The following USP50 variants were observed in gnomAD, a reference collection of about 807,000 sequenced individuals.
USP50 encodes the protein ubiquitin carboxyl-terminal hydrolase 50.
Under a neutral mutation model 39.2 loss-of-function variants are expected in USP50, and 37 were observed. That is an observed-to-expected ratio of 0.94 (90% CI 0.73 to 1.24). The LOEUF is 1.24. Among genes scored for constraint, USP50 ranks in the 50% most tolerant of loss-of-function variants. The pLI, the probability that USP50 is intolerant of heterozygous loss-of-function variation, is 0.00. For missense variants in USP50, 374 were observed against 398.2 expected (o/e 0.94, Z 0.52); for synonymous variants, 139 against 144.5 (o/e 0.96, Z 0.27).
chr15:50,532,976 C>T (rs1405248272), intron 5 of USP50, among the ~76,000 whole-genome samples: 1 of 151,976 alleles, frequency 6.6e-6, no homozygotes, highest in African/African-American at 2.4e-5. Flanking sequence ...CTTGAGGAAC[C>T]TCAGTAGAAA....
At chr15:50,509,543 G>C (rs1021011482) in intron 6 of USP50, 1 of 152,258 alleles carries the variant, frequency 6.6e-6, no homozygotes, top group Non-Finnish European at 1.5e-5. Flanking sequence ...AGCTACTCAG[G>C]AGGCTGAGAC....
chr15:50,515,236 TTTGTTG>T (rs1175969992), intron 6 of USP50, among the ~76,000 whole-genome samples: 4 of 151,554 alleles, frequency 2.6e-5, no homozygotes, highest in South Asian at 2.1e-4. Flanking sequence ...AGGCTTGTGT[TTTGTTG>T]TTGTTGTTGT....
At position 50,525,558 on chromosome 15, in the gene USP50, A is replaced by ATATATGTATATATG. The variant is rs1194167928; in HGVS notation, c.936+4225_936+4238dup. Among the ~76,000 whole-genome samples the ATATATGTATATATG allele has an allele frequency of 2.9e-4, 31 of 107,274 alleles. 1 individual carries two copies. Among genetic ancestry groups the ATATATGTATATATG allele is most frequent in the South Asian group, 8.5e-4 (3 of 3,538 alleles). 70.4% of individuals were successfully genotyped at this position (107,274 alleles called of 152,430 possible). A position where few individuals can be genotyped will look rare whatever the true frequency, so the allele number is the denominator to read the frequency against. Reference sequence around the variant, plus strand: ...TATATGTATATATGTATATATGTGTATATATGTATATATGTATATGTATAT... The same window carrying ATATATGTATATATG: ...TATATGTATATATGTATATATGTGTATATATGTATATATGTATATGTATATATGTATATGTATAT... On this transcript the variant is annotated intron_variant, in intron 6 of 6. Transcript: ENST00000532404.
intron 6 of USP50, chr15:50,509,849 T>C (rs2052715260): frequency 2.0e-5 from 3 of 152,088 alleles, no homozygotes; most frequent in Admixed American, 2.0e-4. Context: ...GAGAAATACA[T>C]GGCTCACACC....
chr15:50,493,438 G>A (rs368471373), downstream of USP50: 1 of 518,960 alleles, frequency 1.9e-6, no homozygotes, highest in Non-Finnish European at 3.8e-6. Context: ...AATTAGGAAA[G>A]GGGAAAATAT....
At chr15:50,531,125 C>A (rs1542958) in intron 5 of USP50, among the ~76,000 whole-genome samples, 44,644 of 151,742 alleles carry the variant, frequency 0.29, 6,717 homozygotes, top group East Asian at 0.47. Context: ...GAAATTACCG[C>A]GACTGAGACA....
At chr15:50,509,843 A>C (rs1425508071) in intron 6 of USP50, 2 of 152,136 alleles carry the variant, frequency 1.3e-5, no homozygotes, top group Non-Finnish European at 2.9e-5. Context: ...ACTGAAGAGA[A>C]ATACATGGCT....
chr15:50,540,573 A>G (rs1232133787), intron 4 of USP50, among the ~76,000 whole-genome samples: 1 of 152,028 alleles, frequency 6.6e-6, no homozygotes, highest in Non-Finnish European at 1.5e-5. Context: ...TTTGGCCAGT[A>G]TGTCCCTATA....
At chr15:50,500,101 A>G (rs545993618), downstream of USP50, 3 of 152,302 alleles carry the variant, frequency 2.0e-5, no homozygotes, top group African/African-American at 7.2e-5. Flanking sequence ...TAAAAATAAG[A>G]TTCTAAAAGT....
intron 6 of USP50, among the ~76,000 whole-genome samples, chr15:50,525,572 G>GTATATGTATATATGTATATGTA (rs1566907563): frequency 7.7e-5 from 5 of 64,722 alleles, no homozygotes; most frequent in South Asian, 4.9e-4. Flanking sequence ...ATGTATATAT[G>GTATATGTATATATGTATATGTA]TATATGTATA....
intron 6 of USP50, among the ~76,000 whole-genome samples, chr15:50,526,638 C>G (rs545730997): frequency 4.9e-4 from 75 of 152,288 alleles, no homozygotes; most frequent in African/African-American, 1.8e-3. Flanking sequence ...CTTCAGAGGA[C>G]AGATTTAGGA....
intron 6 of USP50, among the ~76,000 whole-genome samples, chr15:50,525,008 T>C (rs1299676221): frequency 6.6e-6 from 1 of 152,198 alleles, no homozygotes; most frequent in Non-Finnish European, 1.5e-5. Flanking sequence ...TTGTTCACAA[T>C]AGTCAAGATA....
chr15:50,520,916 C>G (rs2052844950), intron 6 of USP50, among the ~76,000 whole-genome samples: 1 of 152,072 alleles, frequency 6.6e-6, no homozygotes, highest in Admixed American at 6.6e-5. Flanking sequence ...AATAGAGTCA[C>G]TATAGTTGAC....
At chr15:50,519,672 G>A (rs1453927373) in intron 6 of USP50, among the ~76,000 whole-genome samples, 3 of 150,422 alleles carry the variant, frequency 2.0e-5, no homozygotes, top group Non-Finnish European at 4.4e-5. Context: ...CCGAGATAGT[G>A]CCACTGCAGT....
chr15:50,524,148 TAA>T (rs1596013067), intron 6 of USP50, among the ~76,000 whole-genome samples: 3 of 152,192 alleles, frequency 2.0e-5, no homozygotes, highest in African/African-American at 4.8e-5. Context: ...GACTTCAATA[TAA>T]GACCTGAAAC....
intron 5 of USP50, among the ~76,000 whole-genome samples, chr15:50,537,117 C>G (rs529426062): frequency 3.9e-5 from 6 of 151,916 alleles, no homozygotes; most frequent in African/African-American, 1.4e-4. Context: ...GACAAGAGAG[C>G]TCAGAAAGGG....
intron 4 of USP50, 122 bp from the exon 5 acceptor site, chr15:50,538,973 A>G: frequency 3.7e-6 from 4 of 1,072,728 alleles, no homozygotes; most frequent in Non-Finnish European, 5.2e-6. Flanking sequence ...CTCAAAGTCA[A>G]CAAATCCAGA....
chr15:50,516,662 G>A (rs2052806193), intron 6 of USP50, among the ~76,000 whole-genome samples: 1 of 151,802 alleles, frequency 6.6e-6, no homozygotes, highest in South Asian at 2.1e-4. Flanking sequence ...GCTACGAGAG[G>A]CAGTAGGGAT....
intron 6 of USP50, chr15:50,510,353 G>A (rs1035431401): frequency 1.3e-5 from 2 of 151,844 alleles, no homozygotes; most frequent in Non-Finnish European, 2.9e-5. Flanking sequence ...GGACTAACTA[G>A]AAAAGATTGA....
Sources: gnomAD v4.1 joint callset for allele counts (sites outside exome capture counted in the v4.1 genomes callset) on GRCh38, gnomAD v4.1.1 for gene constraint, MANE v1.5 for transcripts, NCBI Gene and HGNC (gene_info 2026-07-23, HGNC 2026-07-21) for gene names.